The following CYP2C19 variants were observed in gnomAD, a reference collection of about 807,000 sequenced individuals.
CYP2C19 encodes cytochrome P450 family 2 subfamily C member 19.
A neutral mutation model predicts 40.9 loss-of-function variants in CYP2C19; 59 were observed. The observed-to-expected ratio is 1.44, with a 90% confidence interval of 1.17 to 1.79. The LOEUF is 1.79. CYP2C19 is among the 40% of genes most tolerant of loss of function. The pLI is 0.00. For synonymous variants in CYP2C19, 253 were observed against 208.7 expected (o/e 1.21, Z -1.83); for missense variants, 754 against 596.9 (o/e 1.26, Z -2.74).
chr10:94,836,993 C>G (rs142070501), intron 6 of CYP2C19, among the ~76,000 whole-genome samples: 11,790 of 152,116 alleles, frequency 0.078, 519 homozygotes, highest in South Asian at 0.12. Flanking sequence ...TGTTGGGTTT[C>G]AAAGATCTTC....
chr10:94,775,102 G>T lies in CYP2C19; in HGVS notation c.213G>T (p.Leu71=). 1 of 1,614,098 alleles carries T rather than the reference G, an allele frequency of 6.2e-7. No individual in the cohort carries two copies. The highest frequency in any genetic ancestry group is 8.5e-7 in the Non-Finnish European group (1 of 1,180,038). The change falls in exon 2 of 9, where the codon CTG becomes CTT. Residue 71 remains leucine (L), a synonymous_variant. Transcript: ENST00000371321. ...YGPVFTLYFG[L]ERMVVLHGYE... The stretch of plus-strand genomic sequence containing the variant: ...CTGTGTTCACTCTGTATTTTGGCCT[G>T]GAACGCATGGTGGTGCTGCATGGAT...
At chr10:94,798,366 T>C (rs1446152962) in intron 5 of CYP2C19, among the ~76,000 whole-genome samples, 1 of 152,186 alleles carries the variant, frequency 6.6e-6, no homozygotes, top group African/African-American at 2.4e-5. Context: ...CAGTTTGTTA[T>C]AATTTCTATT....
intron 6 of CYP2C19, among the ~76,000 whole-genome samples, chr10:94,840,645 C>G (rs560339129): frequency 1.3e-5 from 2 of 152,162 alleles, no homozygotes; most frequent in African/African-American, 4.8e-5. Context: ...AAGGTAGGGG[C>G]GCACGCATGT....
chr10:94,831,970 T>G (rs1050256162), intron 6 of CYP2C19, among the ~76,000 whole-genome samples: 2 of 152,204 alleles, frequency 1.3e-5, no homozygotes, highest in Non-Finnish European at 2.9e-5. Flanking sequence ...GCTCAAGAAA[T>G]TTTTGCCTAG....
intron 5 of CYP2C19, among the ~76,000 whole-genome samples, chr10:94,814,536 G>T (rs1051281321): frequency 6.6e-6 from 1 of 151,456 alleles, no homozygotes; most frequent in Non-Finnish European, 1.5e-5. Context: ...GATGCATTGT[G>T]ATAGTATCTG....
chr10:94,792,428 G>T (rs1273566227), intron 5 of CYP2C19, among the ~76,000 whole-genome samples: 1 of 152,048 alleles, frequency 6.6e-6, no homozygotes, highest in Non-Finnish European at 1.5e-5. Flanking sequence ...CTTGTTAGTT[G>T]GCTCAGTTTC....
At chr10:94,849,873 G>A (rs10454474) in intron 7 of CYP2C19, 44 bp from the exon 8 acceptor site, 366 of 1,611,362 alleles carry the variant, frequency 2.3e-4, no homozygotes, top group Non-Finnish European at 2.9e-4. Flanking sequence ...TTAAACCTTC[G>A]TGACTTCTTT....
At chr10:94,819,659 C>T (rs1183045241) in intron 5 of CYP2C19, among the ~76,000 whole-genome samples, 7 of 85,206 alleles carry the variant, frequency 8.2e-5, no homozygotes, top group African/African-American at 2.6e-4. Context: ...ATACATTCCT[C>T]GACACATACA....
chr10:94,777,243 T>C (rs1848420212), intron 3 of CYP2C19, among the ~76,000 whole-genome samples: 1 of 152,126 alleles, frequency 6.6e-6, no homozygotes, highest in African/African-American at 2.4e-5. Flanking sequence ...AATTTATAGG[T>C]TCAATGCTAT....
intron 5 of CYP2C19, among the ~76,000 whole-genome samples, chr10:94,787,664 A>G (rs1267464282): frequency 6.6e-6 from 1 of 152,032 alleles, no homozygotes; most frequent in Non-Finnish European, 1.5e-5. Context: ...TTTCGAGTTA[A>G]TTTTTGTATA....
chr10:94,800,420 G>C (rs527897348), intron 5 of CYP2C19, among the ~76,000 whole-genome samples: 58 of 152,322 alleles, frequency 3.8e-4, no homozygotes, highest in African/African-American at 1.3e-3. Context: ...ACACCCACGT[G>C]TATGAGGTGT....
chr10:94,827,562 T>C (rs537799036), intron 6 of CYP2C19, among the ~76,000 whole-genome samples: 5 of 152,310 alleles, frequency 3.3e-5, no homozygotes, highest in African/African-American at 1.2e-4. Context: ...TCTTTTTCTT[T>C]ATTAGTCTTG....
At chr10:94,805,359 T>C (rs1313050742) in intron 5 of CYP2C19, among the ~76,000 whole-genome samples, 7 of 152,226 alleles carry the variant, frequency 4.6e-5, no homozygotes, top group Non-Finnish European at 1.0e-4. Flanking sequence ...GTTGACTTTC[T>C]TGTTGAACCA....
At chr10:94,825,638 C>T (rs1849205880) in intron 6 of CYP2C19, among the ~76,000 whole-genome samples, 1 of 115,212 alleles carries the variant, frequency 8.7e-6, no homozygotes, top group Non-Finnish European at 1.8e-5. Context: ...GTTTCTTTTG[C>T]TGTGCAGAAG....
At chr10:94,851,264 G>A (rs1388541449) in intron 8 of CYP2C19, among the ~76,000 whole-genome samples, 1 of 151,786 alleles carries the variant, frequency 6.6e-6, no homozygotes, top group Non-Finnish European at 1.5e-5. Flanking sequence ...AAAGAGGAAA[G>A]GCTACACACT....
chr10:94,774,926 A>C (rs1250154395), intron 1 of CYP2C19, 132 bp from the exon 2 acceptor site: 2 of 964,518 alleles, frequency 2.1e-6, no homozygotes, highest in East Asian at 2.6e-5. Flanking sequence ...TTATATATAA[A>C]ATTCAGAAAT....
chr10:94,830,336 G>A (rs533044041), intron 6 of CYP2C19, among the ~76,000 whole-genome samples: 2 of 152,212 alleles, frequency 1.3e-5, no homozygotes, highest in Admixed American at 1.3e-4. Flanking sequence ...CTCCGAGCCA[G>A]GTGCGGGATA....
At chr10:94,818,699 G>T (rs1277683861) in intron 5 of CYP2C19, among the ~76,000 whole-genome samples, 1 of 149,790 alleles carries the variant, frequency 6.7e-6, no homozygotes, top group East Asian at 2.0e-4. Flanking sequence ...TTTGTCTGTT[G>T]TTGGTGTATA....
At chr10:94,788,513 A>T (rs145364542) in intron 5 of CYP2C19, among the ~76,000 whole-genome samples, 1 of 151,984 alleles carries the variant, frequency 6.6e-6, no homozygotes, top group Non-Finnish European at 1.5e-5. Flanking sequence ...TGTCACCTAC[A>T]TGAGGTATTT....
Sources: allele counts gnomAD v4.1 joint callset (sites outside exome capture counted in the v4.1 genomes callset), GRCh38; gene constraint gnomAD v4.1.1; transcripts MANE v1.5; gene names NCBI Gene and HGNC (gene_info 2026-07-23, HGNC 2026-07-21).